WDR41: variants seen among roughly 807,000 people sequenced by gnomAD.
The protein encoded by WDR41 is WD repeat-containing protein 41.
A neutral mutation model predicts 69.3 loss-of-function variants in WDR41; 63 were observed. That is an observed-to-expected ratio of 0.91 (90% CI 0.74 to 1.12). The LOEUF is 1.12. Among genes scored for constraint, WDR41 ranks in the 50% most tolerant of loss-of-function variants. WDR41 has a pLI of 0.00. For missense variants in WDR41, 543 were observed against 534.5 expected (o/e 1.02, Z -0.16); for synonymous variants, 185 against 192.1 (o/e 0.96, Z 0.31).
chr5:77,478,712 C>A (rs1233174755), intron 2 of WDR41, among the ~76,000 whole-genome samples: 1 of 151,470 alleles, frequency 6.6e-6, no homozygotes, highest in Non-Finnish European at 1.5e-5. Context: ...AACCCACAGC[C>A]AATATCATAC....
chr5:77,554,784 T>C (rs58022810), intron 1 of WDR41, among the ~76,000 whole-genome samples: 25,677 of 151,844 alleles, frequency 0.17, 3,566 homozygotes, highest in African/African-American at 0.37. Flanking sequence ...GTTTAGTATC[T>C]TGAACAGTGG....
chr5:77,606,164 C>A (rs1744414389), intron 1 of WDR41, among the ~76,000 whole-genome samples: 1 of 152,156 alleles, frequency 6.6e-6, no homozygotes, highest in African/African-American at 2.4e-5. Context: ...TGTTTACACA[C>A]CAATCTTTTG....
intron 1 of WDR41, among the ~76,000 whole-genome samples, chr5:77,527,893 T>A (rs568804695): frequency 6.6e-6 from 1 of 151,758 alleles, no homozygotes; most frequent in East Asian, 1.9e-4. Flanking sequence ...ATTCAAAATA[T>A]CAAAACTTGT....
Position 77,432,705 on chromosome 5 carries a change from T to C in WDR41, c.*430A>G, listed in dbSNP as rs528258606. Reference sequence around the variant, plus strand: ...GGCTGAGAGATTCAAGTTTGTGCTATATAGAACACTAACAGTTACTAAAGA... The same window carrying C: ...GGCTGAGAGATTCAAGTTTGTGCTACATAGAACACTAACAGTTACTAAAGA... On this transcript the variant is annotated 3_prime_UTR_variant, in exon 13 of 13. Coordinates refer to ENST00000296679, the MANE Select transcript of WDR41 (RefSeq NM_018268.4). 6.5e-6 allele frequency: 1 copy of C among 154,848 alleles called. No individual in the cohort carries two copies. Among genetic ancestry groups the C allele is most frequent in the Admixed American group, 6.5e-5 (1 of 15,426 alleles). 9.6% of individuals were successfully genotyped at this position (154,848 alleles called of 1,614,324 possible).
At position 77,433,059 on chromosome 5, in the gene WDR41, T is replaced by A; in HGVS notation, c.*76A>T. 7.0e-7 allele frequency: 1 copy of A among 1,429,804 alleles called. No homozygotes were observed. Among genetic ancestry groups the A allele is most frequent in the Non-Finnish European group, 9.3e-7 (1 of 1,075,884 alleles). 88.6% of individuals were successfully genotyped at this position (1,429,804 alleles called of 1,614,324 possible). The stretch of plus-strand genomic sequence containing the variant: ...AAAAATTACCAATTTAAGTGATCAA[T>A]ATATTAATGGTTTTCAGAGTAGTAC... On this transcript the variant is annotated 3_prime_UTR_variant, in exon 13 of 13. Coordinates refer to ENST00000296679, the MANE Select transcript of WDR41 (RefSeq NM_018268.4).
rs1799552863 is a variant in WDR41, at chr5:77,449,839, T to A, written c.618A>T (p.Gly206=). ...IIFRLVAPTE[G]SLEWDILEVK... ...CTTCAAGAATATCCCATTCTAGTGA[T>A]CCTTCTGTGGGTGCTACCAACCTGA... The change falls in exon 8 of 13, where the codon GGA becomes GGT. Residue 206 remains glycine (G), a synonymous_variant. Transcript: ENST00000296679. 6.2e-7 allele frequency: 1 copy of A among 1,613,538 alleles called. No homozygotes were observed. Among genetic ancestry groups the A allele is most frequent in the Non-Finnish European group, 8.5e-7 (1 of 1,179,708 alleles).
intron 1 of WDR41, among the ~76,000 whole-genome samples, chr5:77,581,792 T>C (rs1303666754): frequency 6.6e-6 from 1 of 152,108 alleles, no homozygotes; most frequent in East Asian, 1.9e-4. Flanking sequence ...TGAAATACTT[T>C]CAGATGAATG....
Position 77,431,262 on chromosome 5 carries a change from C to G in WDR41, c.*1873G>C, listed in dbSNP as rs554398537. The G allele has an allele frequency of 4.6e-5, 7 of 152,500 alleles. No individual in the cohort carries two copies. Among genetic ancestry groups the G allele is most frequent in the Admixed American group, 2.6e-4 (4 of 15,290 alleles). 9.4% of individuals were successfully genotyped at this position (152,500 alleles called of 1,614,324 possible). On this transcript the variant is annotated 3_prime_UTR_variant, in exon 13 of 13. Coordinates refer to ENST00000296679, the MANE Select transcript of WDR41 (RefSeq NM_018268.4). Reference sequence around the variant, plus strand: ...ATCTTATTTTAAGGAACTGCCACAGCCACCCCAACCTTCAGTAACCACCTT... The same window carrying G: ...ATCTTATTTTAAGGAACTGCCACAGGCACCCCAACCTTCAGTAACCACCTT...
chr5:77,514,447 A>G (rs574128500), intron 1 of WDR41, among the ~76,000 whole-genome samples: 1 of 152,278 alleles, frequency 6.6e-6, no homozygotes, highest in East Asian at 1.9e-4. Context: ...TTACAGAATC[A>G]TATTCCTTTC....
intron 1 of WDR41, among the ~76,000 whole-genome samples, chr5:77,555,460 C>T (rs1007898020): frequency 6.6e-6 from 1 of 152,120 alleles, no homozygotes; most frequent in African/African-American, 2.4e-5. Context: ...AGGTGCACAC[C>T]ACCACACCCA....
At chr5:77,503,004 C>A (rs550558823) in intron 1 of WDR41, among the ~76,000 whole-genome samples, 1 of 152,056 alleles carries the variant, frequency 6.6e-6, no homozygotes, top group African/African-American at 2.4e-5. Flanking sequence ...GGATCATATT[C>A]ACACATAACA....
chr5:77,436,205 G>A (rs1554107175), intron 12 of WDR41, 56 bp downstream of exon 12: 1 of 1,580,436 alleles, frequency 6.3e-7, no homozygotes, highest in Non-Finnish European at 8.6e-7. Context: ...AAAGAAAAGA[G>A]CAATGAAATG....
intron 1 of WDR41, among the ~76,000 whole-genome samples, chr5:77,563,504 T>G (rs1743562448): frequency 6.6e-6 from 1 of 152,222 alleles, no homozygotes; most frequent in African/African-American, 2.4e-5. Context: ...TCTTGAAGTA[T>G]TTGAAGTCAT....
intron 1 of WDR41, among the ~76,000 whole-genome samples, chr5:77,523,076 G>A (rs1802393928): frequency 6.6e-6 from 1 of 152,146 alleles, no homozygotes; most frequent in African/African-American, 2.4e-5. Flanking sequence ...CACTTTGGGA[G>A]GCTGAGGCAG....
chr5:77,542,000 G>A (rs758927437), intron 1 of WDR41, among the ~76,000 whole-genome samples: 6 of 152,072 alleles, frequency 3.9e-5, no homozygotes, highest in Admixed American at 1.3e-4. Flanking sequence ...ATTCACAATA[G>A]CAAAGACATG....
chr5:77,616,006 TAAA>T lies in WDR41; in HGVS notation c.42+4470_42+4472del, dbSNP rs1273605595. On this transcript the variant is annotated intron_variant, in intron 1 of 5. Coordinates refer to the WDR41 transcript ENST00000509971. Reference sequence around the variant, plus strand: ...AGACCCTGTCTCAAAGAAAAATAAATAAATAAATAAATTAATTAATTAATAAAA... The same window carrying T: ...AGACCCTGTCTCAAAGAAAAATAAATTAAATAAATTAATTAATTAATAAAA... Among the ~76,000 whole-genome samples the T allele has an allele frequency of 7.2e-4, 52 of 72,054 alleles. No individual in the cohort carries two copies. The Middle Eastern group carries it at 0.022, about 31-fold the overall frequency. 47.3% of individuals were successfully genotyped at this position (72,054 alleles called of 152,430 possible).
At chr5:77,479,132 T>C (rs1801104265) in intron 2 of WDR41, among the ~76,000 whole-genome samples, 1 of 152,020 alleles carries the variant, frequency 6.6e-6, no homozygotes, top group Admixed American at 6.6e-5. Flanking sequence ...GAAGGACCTC[T>C]TCAAGGAGAA....
intron 1 of WDR41, among the ~76,000 whole-genome samples, chr5:77,538,628 C>T (rs1321056693): frequency 1.3e-5 from 2 of 152,148 alleles, no homozygotes; most frequent in Admixed American, 6.6e-5. Flanking sequence ...CTGCAAAGGA[C>T]ATGATTTTGT....
At chr5:77,594,649 A>G (rs1360147259) in intron 1 of WDR41, among the ~76,000 whole-genome samples, 5 of 152,196 alleles carry the variant, frequency 3.3e-5, no homozygotes, top group African/African-American at 1.2e-4. Context: ...ATTTTAGATC[A>G]ACAGGCTAGA....
Sources: gnomAD v4.1 joint callset for allele counts (sites outside exome capture counted in the v4.1 genomes callset) on GRCh38, gnomAD v4.1.1 for gene constraint, MANE v1.5 for transcripts, NCBI Gene and HGNC (gene_info 2026-07-23, HGNC 2026-07-21) for gene names.